The following DCAF5 variants were observed in gnomAD, a reference collection of about 807,000 sequenced individuals.
DCAF5 encodes DDB1- and CUL4-associated factor 5.
Under a neutral mutation model 80.7 loss-of-function variants are expected in DCAF5, and 9 were observed. The ratio of observed to expected loss-of-function variants is 0.11; its 90% CI spans 0.07 to 0.19. The LOEUF (loss-of-function observed/expected upper bound fraction) is 0.19. Ranked by LOEUF, DCAF5 falls within the 10% of genes least tolerant of loss-of-function variation. The pLI is 1.00. For synonymous variants in DCAF5, 433 were observed against 461.9 expected (o/e 0.94, Z 0.80); for missense variants, 842 against 1,205.7 (o/e 0.70, Z 4.47).
intron 6 of DCAF5, among the ~76,000 whole-genome samples, chr14:69,087,432 A>G (rs2039376253): frequency 1.3e-5 from 2 of 152,234 alleles, no homozygotes; most frequent in Non-Finnish European, 2.9e-5. Flanking sequence ...CAGAGTCCGC[A>G]CTATATTGCA....
At chr14:69,133,039 T>C (rs551560436) in intron 1 of DCAF5, among the ~76,000 whole-genome samples, 180 of 151,880 alleles carry the variant, frequency 1.2e-3, no homozygotes, top group Middle Eastern at 3.4e-3. Flanking sequence ...AGCTAATTAT[T>C]ATGCTATTTG....
Position 69,152,188 on chromosome 14 carries a change from G to T in DCAF5, c.214+577C>A, listed in dbSNP as rs1566797729. 2.0e-5 allele frequency among the ~76,000 whole-genome samples: 3 copies of T among 152,178 alleles called. No homozygotes were observed. Among genetic ancestry groups the T allele is most frequent in the African/African-American group, 4.8e-5 (2 of 41,440 alleles). On this transcript the variant is annotated intron_variant, in intron 1 of 8. Coordinates refer to ENST00000341516, the MANE Select transcript of DCAF5 (RefSeq NM_003861.3). This position sits in a 1 kb window ranked among gnomAD's most constrained non-coding sequence, Gnocchi z 4.1. ...GTGCTGGGCCTCTAAGAGCGCCGAG[G>T]GGGGCGGCCCACAGCGACCCTACCG...
chr14:69,119,335 C>A, intron 2 of DCAF5, 105 bp from the exon 3 acceptor site: 1 of 1,071,236 alleles, frequency 9.3e-7, no homozygotes, highest in Non-Finnish European at 1.4e-6. Context: ...TGAACAAAGC[C>A]AATGCTAATA....
At position 69,054,407 on chromosome 14, in the gene DCAF5, C is replaced by A. The variant is rs1349037637; in HGVS notation, c.2279G>T (p.Gly760Val). The change falls in exon 9 of 9, where the codon GGT becomes GTT. Residue 760 changes from glycine to valine, a missense_variant. This residue lies in a region of DCAF5 where 607 missense variants were observed against 656.6 expected (regional missense o/e 0.92). Transcript: ENST00000341516. ...SSHAWAEVPE[G>V]TSQDTGNSGS... ...GCTATTGCCAGTGTCCTGAGAGGTA[C>A]CCTCTGGCACCTCTGCCCAAGCATG... is the stretch of plus-strand genomic sequence containing the variant. 2.5e-6 allele frequency: 4 copies of A among 1,614,060 alleles called. No homozygotes were observed. Among genetic ancestry groups the A allele is most frequent in the East Asian group, 2.2e-5 (1 of 44,882 alleles).
At chr14:69,072,760 T>C (rs933111698) in intron 7 of DCAF5, among the ~76,000 whole-genome samples, 1 of 152,002 alleles carries the variant, frequency 6.6e-6, no homozygotes, top group Non-Finnish European at 1.5e-5. Flanking sequence ...TTTAGTTACA[T>C]ACAGAGCAAG....
intron 5 of DCAF5, among the ~76,000 whole-genome samples, chr14:69,099,213 C>T (rs1411228875): frequency 2.0e-5 from 3 of 150,242 alleles, no homozygotes; most frequent in Non-Finnish European, 4.4e-5. Context: ...GATTGCACCA[C>T]GGCACTCCAG....
At chr14:69,069,032 T>C (rs1471189398) in intron 7 of DCAF5, among the ~76,000 whole-genome samples, 2 of 152,228 alleles carry the variant, frequency 1.3e-5, no homozygotes, top group Admixed American at 6.5e-5. Context: ...TCATCATATG[T>C]GCCTCACATG....
intron 1 of DCAF5, among the ~76,000 whole-genome samples, chr14:69,126,209 G>A (rs2140080950): frequency 6.8e-6 from 1 of 147,568 alleles, no homozygotes; most frequent in African/African-American, 2.5e-5. Flanking sequence ...CCAGGCTGGA[G>A]TGCAATGGCG....
chr14:69,109,932 C>A (rs1431965853), intron 5 of DCAF5, among the ~76,000 whole-genome samples: 1 of 152,158 alleles, frequency 6.6e-6, no homozygotes, highest in Non-Finnish European at 1.5e-5. Flanking sequence ...TTTGTACTCA[C>A]CTAAAATGTA....
At chr14:69,063,239 G>A (rs888892300) in intron 7 of DCAF5, among the ~76,000 whole-genome samples, 5 of 152,268 alleles carry the variant, frequency 3.3e-5, no homozygotes, top group African/African-American at 1.2e-4. Context: ...CATCCTATAG[G>A]CTTCCTTCTT....
chr14:69,097,247 C>G (rs886172109), intron 5 of DCAF5, among the ~76,000 whole-genome samples: 12 of 152,164 alleles, frequency 7.9e-5, no homozygotes. Context: ...AGGAAAGAAT[C>G]CTTTCCTCCA....
chr14:69,090,975 C>A, intron 6 of DCAF5: 1 of 649,484 alleles, frequency 1.5e-6, no homozygotes. Context: ...GCTTGGTGAC[C>A]CAGATTAGCC....
At chr14:69,138,080 A>T (rs2041249500) in intron 1 of DCAF5, among the ~76,000 whole-genome samples, 1 of 152,154 alleles carries the variant, frequency 6.6e-6, no homozygotes, top group Non-Finnish European at 1.5e-5. Context: ...AGCAAGTGAT[A>T]TAAATGAGGT....
At chr14:69,073,278 G>C (rs1042794010) in intron 7 of DCAF5, among the ~76,000 whole-genome samples, 1 of 152,176 alleles carries the variant, frequency 6.6e-6, no homozygotes, top group African/African-American at 2.4e-5. Flanking sequence ...AGGGACACTA[G>C]GGATGCATGT....
chr14:69,088,581 T>TTA (rs2039425536), intron 6 of DCAF5, among the ~76,000 whole-genome samples: 2 of 152,238 alleles, frequency 1.3e-5, no homozygotes, highest in Admixed American at 1.3e-4. Flanking sequence ...ATGGACTGAA[T>TTA]AATCTCATAA....
chr14:69,104,432 T>A (rs2040062060), intron 5 of DCAF5, among the ~76,000 whole-genome samples: 1 of 152,110 alleles, frequency 6.6e-6, no homozygotes. Context: ...TAATACCAAT[T>A]CATGGGAAAA....
At chr14:69,091,149 T>C (rs1312615393) in intron 6 of DCAF5, 1 of 744,466 alleles carries the variant, frequency 1.3e-6, no homozygotes, top group South Asian at 1.4e-5. Flanking sequence ...CCATTTCCAG[T>C]TGTGATGCTG....
chr14:69,114,944 AC>A (rs2040495656), intron 5 of DCAF5, among the ~76,000 whole-genome samples: 2 of 152,252 alleles, frequency 1.3e-5, no homozygotes, highest in Admixed American at 6.5e-5. Context: ...CAAGCTTTCC[AC>A]TGGAGATAAA....
intron 6 of DCAF5, among the ~76,000 whole-genome samples, chr14:69,077,842 T>C (rs767455072): frequency 3.3e-5 from 5 of 152,026 alleles, no homozygotes; most frequent in Non-Finnish European, 5.9e-5. Flanking sequence ...TGTAGGAACA[T>C]GAGAAAAAAG....
Sources: gnomAD v4.1 joint callset for allele counts (sites outside exome capture counted in the v4.1 genomes callset) on GRCh38, gnomAD v4.1.1 for gene constraint, gnomAD v4.1.1 regional missense constraint, Gnocchi (gnomAD v3.1) non-coding constraint, MANE v1.5 for transcripts, NCBI Gene and HGNC (gene_info 2026-07-23, HGNC 2026-07-21) for gene names.